The following SLIT1 variants were observed in gnomAD, a reference collection of about 807,000 sequenced individuals.
SLIT1 encodes slit guidance ligand 1.
SLIT1 carries 66 observed loss-of-function variants against 186.1 expected under a neutral mutation model. The observed-to-expected ratio is 0.35, with a 90% CI of 0.29 to 0.44. SLIT1 has a LOEUF of 0.44. Ranked by LOEUF, SLIT1 falls within the 20% of genes least tolerant of loss-of-function variation. The probability of loss-of-function intolerance (pLI) is 1.00; values close to 1 mark genes in which losing one functional copy is unlikely to be tolerated. For synonymous variants in SLIT1, 761 were observed against 833.8 expected, an observed-to-expected ratio of 0.91 and a Z score of 1.50; for missense variants, 1,638 against 2,037.4, an observed-to-expected ratio of 0.80 and a Z score of 3.77.
rs758761421 is a variant in SLIT1 at position 97,019,055 on chromosome 10, C to T, written c.2799G>A (p.Pro933=). 50 of 1,613,692 alleles carry T rather than the reference C, an allele frequency of 3.1e-5. No individual in the cohort carries two copies. Among genetic ancestry groups the T allele is most frequent in the East Asian group, 2.2e-4 (10 of 44,856 alleles). The change falls in exon 27 of 37, where the codon CCG becomes CCA. Residue 933 remains proline (P), a synonymous_variant. Transcript: ENST00000266058. ...QAKCDLCLSS[P]CQNQGTCHND... is the part of the protein sequence containing the mutation. Reference sequence around the variant, plus strand: ...TGTGGCAGGTGCCCTGGTTCTGGCACGGACTGGACAAGCAGAGATCACACT... The same window carrying T: ...TGTGGCAGGTGCCCTGGTTCTGGCATGGACTGGACAAGCAGAGATCACACT...
At chr10:97,129,688 C>T (rs527755111) in intron 4 of SLIT1, among the ~76,000 whole-genome samples, 5 of 152,140 alleles carry the variant, frequency 3.3e-5, no homozygotes, top group South Asian at 4.1e-4. Context: ...GCCTTCCAAG[C>T]GGGCATCCTC....
chr10:97,138,957 A>C (rs914631524), intron 4 of SLIT1, among the ~76,000 whole-genome samples: 1 of 152,312 alleles, frequency 6.6e-6, no homozygotes, highest in East Asian at 1.9e-4. Flanking sequence ...AACCCGCAGC[A>C]CCACCAGTCA....
rs182833926 is a variant in SLIT1 at position 97,021,776 on chromosome 10, T to A, written c.2583-363A>T. On this transcript the variant is annotated intron_variant, in intron 25 of 36. Coordinates refer to ENST00000266058, the MANE Select transcript of SLIT1 (RefSeq NM_003061.3). This position sits in a 1 kb window ranked among gnomAD's most constrained non-coding sequence, Gnocchi z 4.5. Reference sequence around the variant, plus strand: ...CGGGGTTTCACCATATTGACCAGGCTGGTCTTGAACTCCTAAACTCAGGTT... The same window carrying A: ...CGGGGTTTCACCATATTGACCAGGCAGGTCTTGAACTCCTAAACTCAGGTT... Among the ~76,000 whole-genome samples the A allele has an allele frequency of 6.6e-6, 1 of 152,282 alleles. No individual in the cohort carries two copies. The highest frequency in any genetic ancestry group is 2.4e-5 in the African/African-American group (1 of 41,570).
At chr10:97,057,966 C>T in intron 11 of SLIT1, 1 of 717,376 alleles carries the variant, frequency 1.4e-6, no homozygotes, top group Non-Finnish European at 2.6e-6. Flanking sequence ...AACGTTCAAG[C>T]TGAGTAAAAA....
intron 4 of SLIT1, among the ~76,000 whole-genome samples, chr10:97,094,419 T>C (rs1849265053): frequency 1.3e-5 from 2 of 152,254 alleles, no homozygotes; most frequent in Non-Finnish European, 2.9e-5. Context: ...ACAGTGACCC[T>C]GCATAGCTGT....
chr10:97,072,787 G>C (rs1375099345), intron 4 of SLIT1, among the ~76,000 whole-genome samples: 1 of 152,218 alleles, frequency 6.6e-6, no homozygotes, highest in African/African-American at 2.4e-5. Flanking sequence ...AGAAGGACCA[G>C]GTTCAACTCC....
intron 13 of SLIT1, among the ~76,000 whole-genome samples, chr10:97,055,096 A>G (rs1483605289): frequency 1.3e-4 from 20 of 152,270 alleles, no homozygotes; most frequent in African/African-American, 3.9e-4. Context: ...GGGCGCCTGT[A>G]ATCCCAGCTA....
At chr10:97,124,789 G>A (rs182856576) in intron 4 of SLIT1, among the ~76,000 whole-genome samples, 7 of 152,336 alleles carry the variant, frequency 4.6e-5, no homozygotes, top group Admixed American at 3.9e-4. Context: ...TAAACCAGGA[G>A]AGGGAAAATT....
In SLIT1 at chr10:97,046,703, C is replaced by G. The variant is rs1409055834; in HGVS notation, c.1804G>C (p.Glu602Gln). The G allele has an allele frequency of 2.5e-6, 4 of 1,611,920 alleles. No homozygotes were observed. The highest frequency in any genetic ancestry group is 1.3e-5 in the African/African-American group (1 of 74,956). ...SELHLTANQL[E>Q]SIRSGMFRGL... The stretch of plus-strand genomic sequence containing the variant: ...CGGAACATGCCGCTCCGGATGGACT[C>G]CAGCTGGTTGGCAGTTAGGTGCAGC... The change falls in exon 18 of 37, where the codon GAG becomes CAG. Residue 602 changes from glutamate (E) to glutamine (Q), a missense_variant. Coordinates refer to ENST00000266058, the MANE Select transcript of SLIT1 (RefSeq NM_003061.3).
chr10:97,177,445 G>A (rs150987110), intron 1 of SLIT1, among the ~76,000 whole-genome samples: 106 of 152,186 alleles, frequency 7.0e-4, no homozygotes, highest in Middle Eastern at 3.4e-3. Context: ...ACTTCCCCTC[G>A]TATCTTGGCC....
At position 97,010,734 on chromosome 10, in the gene SLIT1, C is replaced by T. The variant is rs530401239; in HGVS notation, c.3341+259G>A. Among the ~76,000 whole-genome samples the T allele has an allele frequency of 2.6e-5, 4 of 152,284 alleles. No individual in the cohort carries two copies. In the East Asian group the frequency reaches 7.7e-4, roughly 29 times the overall value. ...GCTCAGGTAGGCAGGTAAGTGACAG[C>T]ACACTGCCCTGTCATCTGCACCCAC... On this transcript the variant is annotated intron_variant, in intron 31 of 36. Transcript: ENST00000266058. The surrounding 1 kb of genome is among the most constrained non-coding windows in gnomAD (Gnocchi z 4.8).
chr10:97,181,642 T>G (rs1343781276), intron 1 of SLIT1, among the ~76,000 whole-genome samples: 1 of 151,930 alleles, frequency 6.6e-6, no homozygotes, highest in Non-Finnish European at 1.5e-5. Flanking sequence ...CCCAGAAGCT[T>G]GAGACCAGCC....
At position 97,064,257 on chromosome 10, in the gene SLIT1, G is replaced by C; in HGVS notation, c.558-18C>G. On this transcript the variant is annotated intron_variant, in intron 6 of 36. Coordinates refer to ENST00000266058, the MANE Select transcript of SLIT1 (RefSeq NM_003061.3). The stretch of plus-strand genomic sequence containing the variant: ...TCAGGGTCCTAAATGGGAAAAACCA[G>C]AGTCATTTAGCACCTGCCCAGCAGG... 3 of 1,607,182 alleles carry C rather than the reference G, an allele frequency of 1.9e-6. No individual in the cohort carries two copies. Among genetic ancestry groups the C allele is most frequent in the Non-Finnish European group, 2.6e-6 (3 of 1,174,506 alleles).
In SLIT1 at chr10:97,100,612, G is replaced by T. The variant is rs186286423; in HGVS notation, c.414-34526C>A. On this transcript the variant is annotated intron_variant, in intron 4 of 36. Coordinates refer to ENST00000266058, the MANE Select transcript of SLIT1 (RefSeq NM_003061.3). ...GTCGCATCACTGCACTACAGCCTGG[G>T]CAACAGCGAGACTCTGTCTCAAAAA... 2.1e-5 allele frequency among the ~76,000 whole-genome samples: 3 copies of T among 144,826 alleles called. No individual in the cohort carries two copies. The East Asian group carries it at 6.2e-4, about 30-fold the overall frequency.
At chr10:97,150,260 C>T (rs1849862873) in intron 4 of SLIT1, among the ~76,000 whole-genome samples, 1 of 152,174 alleles carries the variant, frequency 6.6e-6, no homozygotes. Context: ...GCGAGGTCAC[C>T]TTCTTGCCTT....
intron 4 of SLIT1, among the ~76,000 whole-genome samples, chr10:97,098,453 T>C (rs931256854): frequency 6.6e-6 from 1 of 152,052 alleles, no homozygotes; most frequent in Non-Finnish European, 1.5e-5. Context: ...CGTGAGGGCT[T>C]CTAGGGGTAC....
In SLIT1 at chr10:97,004,268, T is replaced by G; in HGVS notation, c.3711-46A>C. The G allele has an allele frequency of 6.4e-7, 1 of 1,571,490 alleles. No individual in the cohort carries two copies. The highest frequency in any genetic ancestry group is 8.7e-7 in the Non-Finnish European group (1 of 1,150,076). On this transcript the variant is annotated intron_variant, in intron 33 of 36. Transcript: ENST00000266058. The surrounding 1 kb of genome is among the most constrained non-coding windows in gnomAD (Gnocchi z 5.1). Reference sequence around the variant, plus strand: ...CCGTTCCAGGGAGTGGGCATCAGTCTGGACCATCCCTGCCTGGGCACTTCC... The same window carrying G: ...CCGTTCCAGGGAGTGGGCATCAGTCGGGACCATCCCTGCCTGGGCACTTCC...
At chr10:97,085,477 C>T (rs1849149827) in intron 4 of SLIT1, among the ~76,000 whole-genome samples, 1 of 151,650 alleles carries the variant, frequency 6.6e-6, no homozygotes, top group South Asian at 2.1e-4. Flanking sequence ...AACCTCTGCC[C>T]CCCAGGTTCA....
chr10:96,998,365 A>G lies in SLIT1; in HGVS notation c.*2747T>C, dbSNP rs955098051. 6.6e-6 allele frequency: 1 copy of G among 152,268 alleles called. No homozygotes were observed. Among genetic ancestry groups the G allele is most frequent in the Non-Finnish European group, 1.5e-5 (1 of 68,050 alleles). The allele number at this position is 152,268 out of a possible 1,614,324, so 9.4% of individuals were successfully genotyped here. A position where few individuals can be genotyped will look rare whatever the true frequency, so the allele number is the denominator to read the frequency against. ...TAGGCTACCAGCAGGCAAAGAGGAG[A>G]CAAAGTCCAGCCTTTTCCACTTCCT... On this transcript the variant is annotated 3_prime_UTR_variant, in exon 37 of 37. Coordinates refer to ENST00000266058, the MANE Select transcript of SLIT1 (RefSeq NM_003061.3).
Sources: gnomAD v4.1 joint callset for allele counts (sites outside exome capture counted in the v4.1 genomes callset) on GRCh38, gnomAD v4.1.1 for gene constraint, Gnocchi (gnomAD v3.1) non-coding constraint, MANE v1.5 for transcripts, NCBI Gene and HGNC (gene_info 2026-07-23, HGNC 2026-07-21) for gene names.